IGSF10: variants seen among roughly 807,000 people sequenced by gnomAD.
IGSF10 encodes the protein calvaria mechanical force protein 608.
Under a neutral mutation model 128.2 loss-of-function variants are expected in IGSF10, and 126 were observed. The ratio of observed to expected loss-of-function variants is 0.98; its 90% CI spans 0.85 to 1.14. The LOEUF (loss-of-function observed/expected upper bound fraction) is 1.14. Among genes scored for constraint, IGSF10 ranks in the 50% most tolerant of loss-of-function variants. IGSF10 has a pLI of 0.00. For synonymous variants in IGSF10, 1,185 were observed against 1,146.2 expected, an observed-to-expected ratio of 1.03 and a Z score of -0.68; for missense variants, 3,295 against 3,149.8, an observed-to-expected ratio of 1.05 and a Z score of -1.10.
chr3:151,445,304 T>G lies in IGSF10; in HGVS notation c.4677A>C (p.Lys1559Asn), dbSNP rs1414825593. 1 of 1,614,230 alleles carries G rather than the reference T, an allele frequency of 6.2e-7. No individual in the cohort carries two copies. Among genetic ancestry groups the G allele is most frequent in the Non-Finnish European group, 8.5e-7 (1 of 1,180,028 alleles). Residue 1559 changes from lysine (K) to asparagine (N), a missense_variant, in exon 6 of 8, where the codon AAA (lysine) becomes AAC (asparagine). Lys to Asn is a moderately conservative substitution (Grantham distance 94, BLOSUM62 0). Transcript: ENST00000282466. ...STPMPALTTV[K>N]SQNSKLTPSP... ...ATGGAGTTAATTTAGAATTCTGTGA[T>G]TTAACTGTTGTTAGTGCTGGCATGG...
the IGSF10 span, among the ~76,000 whole-genome samples, chr3:151,612,826 A>T: frequency 1.3e-5 from 2 of 152,168 alleles, no homozygotes; most frequent in Non-Finnish European, 2.9e-5. Flanking sequence ...GAAGACACAC[A>T]CTCTGCCAAC....
At chr3:151,614,574 A>G in the IGSF10 span, among the ~76,000 whole-genome samples, 9 of 152,166 alleles carry the variant, frequency 5.9e-5, no homozygotes, top group Non-Finnish European at 1.0e-4. Context: ...CGCAAGGACA[A>G]AAAACCAAAC....
chr3:151,462,147 A>C (rs1422950130), upstream of IGSF10, among the ~76,000 whole-genome samples: 2 of 152,150 alleles, frequency 1.3e-5, no homozygotes, highest in South Asian at 2.1e-4. Flanking sequence ...CAATACTCAT[A>C]AACACTGAGT....
chr3:151,499,063 T>C, the IGSF10 span, among the ~76,000 whole-genome samples: 2 of 152,162 alleles, frequency 1.3e-5, no homozygotes, highest in African/African-American at 2.4e-5. Context: ...GTGAGTACAT[T>C]TTACTTTTGT....
the IGSF10 span, among the ~76,000 whole-genome samples, chr3:151,601,441 A>C: frequency 3.3e-5 from 5 of 152,224 alleles, no homozygotes; most frequent in Non-Finnish European, 5.9e-5. Flanking sequence ...ACGCACACAC[A>C]CATGCTTATT....
chr3:151,475,798 C>G, the IGSF10 span: 2 of 153,496 alleles, frequency 1.3e-5, no homozygotes, highest in African/African-American at 4.8e-5. Flanking sequence ...TTTCTTTTAA[C>G]AGTGCTTAGT....
At position 151,449,039 on chromosome 3, in the gene IGSF10, G is replaced by A. The variant is rs772902210; in HGVS notation, c.942C>T (p.Gly314=). The A allele has an allele frequency of 1.2e-6, 2 of 1,614,210 alleles. No homozygotes were observed. Among genetic ancestry groups the A allele is most frequent in the Admixed American group, 1.7e-5 (1 of 60,030 alleles). ...ISPQGFMAPF[G]SLTLNMTDQS... is the part of the protein sequence containing the mutation. ...GATCTGTCATATTCAAAGTGAGGGA[G>A]CCAAAGGGTGCCATGAAACCTTGGG... is the stretch of plus-strand genomic sequence containing the variant. The change falls in exon 6 of 8, where the codon GGC becomes GGT. Residue 314 remains glycine (G), a synonymous_variant. Transcript: ENST00000282466.
At chr3:151,518,213 AG>A in the IGSF10 span, among the ~76,000 whole-genome samples, 1 of 151,996 alleles carries the variant, frequency 6.6e-6, no homozygotes, top group Admixed American at 6.6e-5. Flanking sequence ...TTTTGGCCAA[AG>A]GTGGCCAACT....
intron 5 of IGSF10, among the ~76,000 whole-genome samples, chr3:151,449,590 A>G (rs1000350454): frequency 6.6e-6 from 1 of 152,230 alleles, no homozygotes; most frequent in Non-Finnish European, 1.5e-5. Flanking sequence ...GGGAAACAAA[A>G]TGATATGCTC....
the IGSF10 span, among the ~76,000 whole-genome samples, chr3:151,594,408 A>G: frequency 7.2e-6 from 1 of 139,830 alleles, no homozygotes. Context: ...ATCTTGGCTC[A>G]CTGCAAGCTC....
rs2108555301 is a variant in IGSF10, at chr3:151,448,175, A to G, written c.1806T>C (p.Asp602=). 1 of 1,614,236 alleles carries G rather than the reference A, an allele frequency of 6.2e-7. No individual in the cohort carries two copies. The highest frequency in any genetic ancestry group is 1.6e-4 in the Middle Eastern group (1 of 6,062). Residue 602 remains aspartate, a synonymous_variant, in exon 6 of 8, where the codon GAT becomes GAC. Coordinates refer to ENST00000282466, the MANE Select transcript of IGSF10 (RefSeq NM_178822.5). ...DLPCHSTGIP[D]ASISWVIPGN... Reference sequence around the variant, plus strand: ...CTGGAATAACCCAGCTAATAGAGGCATCTGGGATACCAGTAGAATGGCATG... The same window carrying G: ...CTGGAATAACCCAGCTAATAGAGGCGTCTGGGATACCAGTAGAATGGCATG...
the IGSF10 span, among the ~76,000 whole-genome samples, chr3:151,570,432 C>T: frequency 3.2e-4 from 49 of 152,094 alleles, no homozygotes; most frequent in African/African-American, 1.0e-3. Flanking sequence ...CCATTCTAAC[C>T]GGTGTGAGAT....
chr3:151,607,739 G>A, the IGSF10 span, among the ~76,000 whole-genome samples: 6 of 150,728 alleles, frequency 4.0e-5, no homozygotes, highest in East Asian at 1.9e-4. Context: ...GTGAAACCCC[G>A]TCTCTACTAA....
the IGSF10 span, among the ~76,000 whole-genome samples, chr3:151,495,018 G>C: frequency 1.1e-4 from 16 of 152,124 alleles, no homozygotes; most frequent in African/African-American, 3.6e-4. Flanking sequence ...GCAAGGTAAG[G>C]ATGAACATTC....
At chr3:151,530,400 G>T in the IGSF10 span, among the ~76,000 whole-genome samples, 88 of 152,104 alleles carry the variant, frequency 5.8e-4, no homozygotes, top group Non-Finnish European at 4.6e-4. Context: ...GCAACCCCAA[G>T]ACACATAATC....
chr3:151,463,947 AAT>A (rs1292431904), upstream of IGSF10, among the ~76,000 whole-genome samples: 62 of 152,354 alleles, frequency 4.1e-4, no homozygotes, highest in Admixed American at 3.3e-3. Flanking sequence ...TTAATAATGC[AAT>A]ATGTTTCTAT....
chr3:151,586,077 T>C, the IGSF10 span, among the ~76,000 whole-genome samples: 2 of 151,126 alleles, frequency 1.3e-5, no homozygotes, highest in South Asian at 4.2e-4. Flanking sequence ...CCTCCCGAGC[T>C]CAAGCAATCC....
At chr3:151,442,043 AGT>A (rs1378400571) in intron 7 of IGSF10, among the ~76,000 whole-genome samples, 3 of 152,232 alleles carry the variant, frequency 2.0e-5, no homozygotes, top group Admixed American at 6.5e-5. Context: ...CCTGGGCGAC[AGT>A]GCGAGACTCC....
In IGSF10 at chr3:151,445,318, G is replaced by C. The variant is rs754014221; in HGVS notation, c.4663C>G (p.Leu1555Val). 1.9e-6 allele frequency: 3 copies of C among 1,614,218 alleles called. No homozygotes were observed. The highest frequency in any genetic ancestry group is 2.5e-6 in the Non-Finnish European group (3 of 1,180,030). The change falls in exon 6 of 8, where the codon CTA becomes GTA. Residue 1555 changes from leucine (L) to valine (V), a missense_variant. By Grantham distance (32) the Leu-to-Val change is conservative. Transcript: ENST00000282466. ...NLLHSTPMPA[L>V]TTVKSQNSKL... ...GAATTCTGTGATTTAACTGTTGTTA[G>C]TGCTGGCATGGGAGTAGAATGTAAC...
Sources: gnomAD v4.1 joint callset for allele counts (sites outside exome capture counted in the v4.1 genomes callset) on GRCh38, gnomAD v4.1.1 for gene constraint, MANE v1.5 for transcripts, NCBI Gene and HGNC (gene_info 2026-07-23, HGNC 2026-07-21) for gene names.